The following TUBGCP3 variants were observed in gnomAD, a reference collection of about 807,000 sequenced individuals.
TUBGCP3 encodes tubulin gamma complex component 3, also known as gamma-tubulin complex component 3.
A neutral mutation model predicts 123.1 loss-of-function variants in TUBGCP3; 50 were observed. The observed-to-expected ratio is 0.41, with a 90% CI of 0.32 to 0.51. The LOEUF is 0.51. TUBGCP3 is among the 20% of genes least tolerant of loss of function. The pLI, the probability that TUBGCP3 is intolerant of heterozygous loss-of-function variation, is 0.36. For missense variants in TUBGCP3, 882 were observed against 1,127.0 expected (o/e 0.78, Z 3.11); for synonymous variants, 405 against 413.9 (o/e 0.98, Z 0.26).
At chr13:112,540,725 C>T (rs1326488938) in intron 11 of TUBGCP3, among the ~76,000 whole-genome samples, 1 of 152,054 alleles carries the variant, frequency 6.6e-6, no homozygotes, top group Non-Finnish European at 1.5e-5. Context: ...AGCCTGTGAG[C>T]ATTCAGGTGG....
chr13:112,550,450 C>T (rs183395686), intron 8 of TUBGCP3, among the ~76,000 whole-genome samples: 19 of 152,104 alleles, frequency 1.2e-4, no homozygotes, highest in Middle Eastern at 3.4e-3. Flanking sequence ...CAAAAGGACA[C>T]GTCAAAAGTG....
At chr13:112,538,829 C>CCCA (rs1878274178) in intron 11 of TUBGCP3, among the ~76,000 whole-genome samples, 1 of 151,932 alleles carries the variant, frequency 6.6e-6, no homozygotes. Flanking sequence ...ATTAGGGAAA[C>CCCA]TAAGGAAAAA....
chr13:112,521,498 G>C (rs895838570), intron 14 of TUBGCP3, among the ~76,000 whole-genome samples: 1 of 152,190 alleles, frequency 6.6e-6, no homozygotes, highest in African/African-American at 2.4e-5. Flanking sequence ...CCACACCTGA[G>C]AATCTCATTC....
chr13:112,573,524 G>A (rs1176654986), intron 1 of TUBGCP3, among the ~76,000 whole-genome samples: 1 of 152,030 alleles, frequency 6.6e-6, no homozygotes, highest in African/African-American at 2.4e-5. Context: ...CTTAGCCCCA[G>A]GAAAAAATCC....
chr13:112,502,347 G>A (rs922771952), intron 19 of TUBGCP3, among the ~76,000 whole-genome samples: 1 of 152,144 alleles, frequency 6.6e-6, no homozygotes, highest in Non-Finnish European at 1.5e-5. Flanking sequence ...AACAGCACAC[G>A]GGTCTAGGAA....
chr13:112,511,622 G>A lies in TUBGCP3; in HGVS notation c.2086+4818C>T, dbSNP rs538010669. Among the ~76,000 whole-genome samples, 2 of 152,012 alleles carry A rather than the reference G, an allele frequency of 1.3e-5. No individual in the cohort carries two copies. The highest frequency in any genetic ancestry group is 2.1e-4 in the South Asian group (1 of 4,800). On this transcript the variant is annotated intron_variant, in intron 17 of 21. Coordinates refer to ENST00000261965, the MANE Select transcript of TUBGCP3 (RefSeq NM_006322.6). This position sits in a 1 kb window ranked among gnomAD's most constrained non-coding sequence, Gnocchi z 4.1. ...AGACTTTAAGACACATTGAGAACAT[G>A]AAAGCAATGTGTATCTTAGAAGTGA...
chr13:112,576,551 A>G (rs1290354962), intron 1 of TUBGCP3, among the ~76,000 whole-genome samples: 1 of 152,230 alleles, frequency 6.6e-6, no homozygotes, highest in Non-Finnish European at 1.5e-5. Flanking sequence ...GAACATATTG[A>G]TTAGCTTCAC....
chr13:112,508,202 G>A lies in TUBGCP3; in HGVS notation c.2087-3488C>T, dbSNP rs886825107. 2.0e-5 allele frequency among the ~76,000 whole-genome samples: 3 copies of A among 151,950 alleles called. No homozygotes were observed. The highest frequency in any genetic ancestry group is 2.1e-4 in the South Asian group (1 of 4,810). On this transcript the variant is annotated intron_variant, in intron 17 of 21. Coordinates refer to ENST00000261965, the MANE Select transcript of TUBGCP3 (RefSeq NM_006322.6). This position sits in a 1 kb window ranked among gnomAD's most constrained non-coding sequence, Gnocchi z 4.2. The stretch of plus-strand genomic sequence containing the variant: ...CGTGCCCCCTAGTCACTCCAAGCCC[G>A]CCTCTCCCTCCTAGCACACACTTAA...
intron 10 of TUBGCP3, 87 bp downstream of exon 10, chr13:112,547,533 C>T (rs781337954): frequency 1.2e-5 from 14 of 1,169,406 alleles, no homozygotes; most frequent in South Asian, 9.6e-5. Flanking sequence ...GTGGGAAAGA[C>T]GTGCATGGGA....
At chr13:112,567,604 AAAT>A (rs1347765498) in intron 2 of TUBGCP3, among the ~76,000 whole-genome samples, 1 of 152,208 alleles carries the variant, frequency 6.6e-6, no homozygotes, top group African/African-American at 2.4e-5. Context: ...TCCCCGTCTT[AAAT>A]AATACATGCA....
In TUBGCP3 at chr13:112,486,128, C is replaced by T; in HGVS notation, c.2589G>A (p.Val863=). 1.2e-6 allele frequency: 2 copies of T among 1,608,536 alleles called. No individual in the cohort carries two copies. Among genetic ancestry groups the T allele is most frequent in the Non-Finnish European group, 1.7e-6 (2 of 1,177,254 alleles). Residue 863 remains valine (V), a synonymous_variant, in exon 22 of 22, where the codon GTG becomes GTA. Transcript: ENST00000261965. ...FYQGIVQQFL[V]LLTTSSDESL... ...TCTCGTCAGAGCTGGTCGTCAGTAA[C>T]ACCAAAAACTGCTGCACGATACCCT... is the stretch of plus-strand genomic sequence containing the variant.
At chr13:112,546,054 C>G in intron 10 of TUBGCP3, 189 bp from the exon 11 acceptor site, 1 of 564,094 alleles carries the variant, frequency 1.8e-6, no homozygotes, top group Non-Finnish European at 3.1e-6. Context: ...GAGGTCCAGA[C>G]TCCAACCCTG....
At position 112,560,024 on chromosome 13, in the gene TUBGCP3, C is replaced by G. The variant is rs567548018; in HGVS notation, c.253-625G>C. On this transcript the variant is annotated intron_variant, in intron 3 of 21. Transcript: ENST00000261965. ...TATCACGCACCTGTAGTCCCAGCTACTCGGGAGGCTGAGACACGAGAATCA... is the reference window on the plus strand; with the variant it reads ...TATCACGCACCTGTAGTCCCAGCTAGTCGGGAGGCTGAGACACGAGAATCA... 1.3e-5 allele frequency among the ~76,000 whole-genome samples: 2 copies of G among 151,920 alleles called. 1 individual carries two copies. The highest frequency in any genetic ancestry group is 4.2e-4 in the South Asian group (2 of 4,816).
chr13:112,553,453 CCA>C (rs1200590709), intron 8 of TUBGCP3, among the ~76,000 whole-genome samples: 1 of 152,268 alleles, frequency 6.6e-6, no homozygotes, highest in African/African-American at 2.4e-5. Context: ...TGCTGCTTAG[CCA>C]CAAAGAAGGG....
At chr13:112,602,182 C>G in the TUBGCP3 span, among the ~76,000 whole-genome samples, 1 of 152,216 alleles carries the variant, frequency 6.6e-6, no homozygotes, top group Non-Finnish European at 1.5e-5. Context: ...CGCATTCAGA[C>G]ATTTGTGATT....
At chr13:112,564,762 G>A (rs1413829675) in intron 3 of TUBGCP3, among the ~76,000 whole-genome samples, 1 of 152,144 alleles carries the variant, frequency 6.6e-6, no homozygotes, top group Non-Finnish European at 1.5e-5. Flanking sequence ...ATGACCCAAT[G>A]AATAAAGTTT....
intron 12 of TUBGCP3, 118 bp from the exon 13 acceptor site, chr13:112,527,168 T>C (rs1400740805): frequency 2.2e-6 from 2 of 917,036 alleles, no homozygotes; most frequent in African/African-American, 1.7e-5. Flanking sequence ...GAGCATCTGC[T>C]ACAGTATGGA....
At chr13:112,506,255 G>T (rs1036096628) in intron 17 of TUBGCP3, among the ~76,000 whole-genome samples, 4 of 152,190 alleles carry the variant, frequency 2.6e-5, no homozygotes, top group African/African-American at 9.6e-5. Flanking sequence ...ACCAACCAGA[G>T]CTCCAAAGGG....
chr13:112,586,014 T>A (rs1044255103), intron 1 of TUBGCP3, among the ~76,000 whole-genome samples: 65 of 150,982 alleles, frequency 4.3e-4, no homozygotes, highest in African/African-American at 1.5e-3. Context: ...CCGAGGCGGG[T>A]GCATCACGAG....
Sources: allele counts gnomAD v4.1 joint callset (sites outside exome capture counted in the v4.1 genomes callset), GRCh38; gene constraint gnomAD v4.1.1; non-coding constraint Gnocchi (gnomAD v3.1); transcripts MANE v1.5; gene names NCBI Gene and HGNC (gene_info 2026-07-23, HGNC 2026-07-21).